The following MYOM2 variants were observed in gnomAD, a reference collection of about 807,000 sequenced individuals.
The protein encoded by MYOM2 is myomesin 2.
MYOM2 carries 254 observed loss-of-function variants against 187.6 expected under a neutral mutation model. The observed-to-expected ratio is 1.35, with a 90% CI of 1.22 to 1.50. The LOEUF (loss-of-function observed/expected upper bound fraction) is 1.50. MYOM2 is among the 40% of genes most tolerant of loss of function. MYOM2 has a pLI of 0.00. For missense variants in MYOM2, 2,796 were observed against 1,924.0 expected (o/e 1.45, Z -8.48); for synonymous variants, 981 against 753.8 (o/e 1.30, Z -4.94).
intron 31 of MYOM2, among the ~76,000 whole-genome samples, chr8:2,124,766 C>T (rs1429534469): frequency 6.6e-6 from 1 of 152,034 alleles, no homozygotes; most frequent in African/African-American, 2.4e-5. Context: ...TATCTTTTGT[C>T]TTTTTGATAA....
At chr8:2,141,017 A>C in intron 33 of MYOM2, 124 bp from the exon 34 acceptor site, 1 of 1,328,128 alleles carries the variant, frequency 7.5e-7, no homozygotes, top group Non-Finnish European at 1.0e-6. Context: ...AAAATGAAAA[A>C]ATAAATTTAT....
chr8:2,064,015 C>T (rs1818931764), intron 6 of MYOM2, among the ~76,000 whole-genome samples: 1 of 152,196 alleles, frequency 6.6e-6, no homozygotes, highest in Admixed American at 6.5e-5. Flanking sequence ...TGTGTGGGGC[C>T]TCGGGAAGGG....
At chr8:2,074,022 C>T (rs1819328684) in intron 10 of MYOM2, among the ~76,000 whole-genome samples, 1 of 152,190 alleles carries the variant, frequency 6.6e-6, no homozygotes, top group African/African-American at 2.4e-5. Flanking sequence ...TGACAGCTGT[C>T]ATCACCAGAC....
chr8:2,087,515 T>A (rs2116717750), intron 14 of MYOM2, among the ~76,000 whole-genome samples: 1 of 152,330 alleles, frequency 6.6e-6, no homozygotes, highest in Middle Eastern at 3.4e-3. Context: ...AAGTGGTCAG[T>A]CCCTCTGTGG....
In MYOM2 at chr8:2,123,536, GA is replaced by G; in HGVS notation, c.3568-17del. The G allele has an allele frequency of 6.2e-7, 1 of 1,603,458 alleles. No homozygotes were observed. Among genetic ancestry groups the G allele is most frequent in the African/African-American group, 1.3e-5 (1 of 74,764 alleles). ...GCAGTATTGACTTTACATAAATATG[GA>G]ATGTGTTTTCTTTGTAGTTGTCAAA... On this transcript the variant is annotated intron_variant, in intron 29 of 36. Transcript: ENST00000262113.
intron 3 of MYOM2, 97 bp downstream of exon 3, chr8:2,052,410 G>T: frequency 7.7e-7 from 1 of 1,300,130 alleles, no homozygotes. Flanking sequence ...TAGCTGAGAG[G>T]GAAGATCAAG....
chr8:2,096,769 A>G (rs56317022), intron 18 of MYOM2, among the ~76,000 whole-genome samples: 127,877 of 152,150 alleles, frequency 0.84, 54,068 homozygotes, highest in East Asian at 0.99. Flanking sequence ...GGAGTCTCAC[A>G]TGTGTGCCTG....
At chr8:2,140,559 T>A (rs1798238458) in intron 32 of MYOM2, among the ~76,000 whole-genome samples, 164 bp from the exon 33 acceptor site, 2 of 152,188 alleles carry the variant, frequency 1.3e-5, no homozygotes, top group Non-Finnish European at 2.9e-5. Flanking sequence ...CAGATCTGAG[T>A]TACTGATGTG....
In MYOM2 at chr8:2,047,735, C is replaced by T. The variant is rs570283962; in HGVS notation, c.-13+2567C>T. Among the ~76,000 whole-genome samples the T allele has an allele frequency of 8.6e-4, 131 of 152,238 alleles. 1 individual carries two copies. The highest frequency in any genetic ancestry group is 2.9e-3 in the African/African-American group (121 of 41,526). On this transcript the variant is annotated intron_variant, in intron 1 of 36. Coordinates refer to ENST00000262113, the MANE Select transcript of MYOM2 (RefSeq NM_003970.4). ...CTGTTACCCCCATCCAAAGACTTCC[C>T]GGGGAGACTTCCACAGTAAGGTACC...
intron 8 of MYOM2, among the ~76,000 whole-genome samples, chr8:2,069,879 C>T (rs1056485482): frequency 4.6e-5 from 7 of 152,216 alleles, no homozygotes; most frequent in African/African-American, 1.4e-4. Flanking sequence ...AAATTCTTGA[C>T]CTGAATGCAT....
intron 28 of MYOM2, among the ~76,000 whole-genome samples, chr8:2,121,330 G>A (rs1386601777): frequency 1.3e-5 from 2 of 152,092 alleles, no homozygotes; most frequent in Non-Finnish European, 2.9e-5. Flanking sequence ...CAAGGTGTGT[G>A]TGCACTCCCA....
intron 13 of MYOM2, 124 bp downstream of exon 13, chr8:2,079,737 C>A: frequency 9.4e-7 from 1 of 1,066,356 alleles, no homozygotes; most frequent in Non-Finnish European, 1.5e-6. Flanking sequence ...AAAATGAAAA[C>A]CGCAGGTCAG....
At chr8:2,141,750 G>A (rs780065682) in intron 34 of MYOM2, among the ~76,000 whole-genome samples, 15 of 152,144 alleles carry the variant, frequency 9.9e-5, no homozygotes, top group East Asian at 5.8e-4. Flanking sequence ...GCTGACATTA[G>A]CCCTTAAGCT....
At chr8:2,090,812 T>C (rs955815188) in intron 15 of MYOM2, among the ~76,000 whole-genome samples, 3 of 152,238 alleles carry the variant, frequency 2.0e-5, no homozygotes, top group African/African-American at 7.2e-5. Context: ...TTCTTTTTTA[T>C]GGCTGCATAG....
In MYOM2 at chr8:2,108,803, G is replaced by A. The variant is rs1376335561; in HGVS notation, c.3016G>A (p.Ala1006Thr). The A allele has an allele frequency of 6.2e-7, 1 of 1,613,728 alleles. No individual in the cohort carries two copies. Among genetic ancestry groups the A allele is most frequent in the Admixed American group, 1.7e-5 (1 of 59,966 alleles). The part of the protein sequence containing the change: ...LDPEELERLM[A>T]LSNEIKNPTI... ...CGTTTTAGAGCTCGAGCGTTTGATG[G>A]CATTGAGCAATGAAATAAAGAACCC... The change falls in exon 24 of 37, where the codon GCA (alanine) becomes ACA (threonine). Residue 1006 changes from alanine to threonine, a missense_variant. By Grantham distance (58) the Ala-to-Thr change is moderately conservative (BLOSUM62 0). Coordinates refer to ENST00000262113, the MANE Select transcript of MYOM2 (RefSeq NM_003970.4).
At chr8:2,079,877 G>A (rs1027846433) in intron 13 of MYOM2, among the ~76,000 whole-genome samples, 2 of 152,224 alleles carry the variant, frequency 1.3e-5, no homozygotes, top group East Asian at 1.9e-4. Flanking sequence ...TTACAAAGGC[G>A]TTCTTTCAGG....
intron 31 of MYOM2, among the ~76,000 whole-genome samples, chr8:2,126,031 A>G (rs1797623281): frequency 6.6e-6 from 1 of 152,122 alleles, no homozygotes; most frequent in African/African-American, 2.4e-5. Context: ...TACTCATGAA[A>G]TTATTTTGTG....
chr8:2,057,816 A>C, intron 5 of MYOM2, 36 bp downstream of exon 5: 1 of 1,597,494 alleles, frequency 6.3e-7, no homozygotes, highest in Non-Finnish European at 8.6e-7. Flanking sequence ...GAAGAAGTCC[A>C]TTCTGCGTTT....
chr8:2,134,518 G>T (rs1255056710), intron 32 of MYOM2, among the ~76,000 whole-genome samples: 1 of 152,226 alleles, frequency 6.6e-6, no homozygotes, highest in East Asian at 1.9e-4. Flanking sequence ...GCAGACCTGT[G>T]TGCTGGGATT....
Sources: allele counts gnomAD v4.1 joint callset (sites outside exome capture counted in the v4.1 genomes callset), GRCh38; gene constraint gnomAD v4.1.1; transcripts MANE v1.5; gene names NCBI Gene and HGNC (gene_info 2026-07-23, HGNC 2026-07-21).